PTPRK: variants seen among roughly 807,000 people sequenced by gnomAD.
PTPRK encodes the protein protein tyrosine phosphatase receptor type K, also known as receptor-type tyrosine-protein phosphatase kappa.
A neutral mutation model predicts 178.0 loss-of-function variants in PTPRK; 75 were observed. That is an observed-to-expected ratio of 0.42 (90% CI 0.35 to 0.51). The LOEUF (loss-of-function observed/expected upper bound fraction) is 0.51, where lower values mean the gene tolerates loss of function less well. PTPRK is among the 20% of genes least tolerant of loss of function. The probability of loss-of-function intolerance (pLI) is 0.02; values close to 1 mark genes in which losing one functional copy is unlikely to be tolerated. For synonymous variants in PTPRK, 637 were observed against 620.6 expected (o/e 1.03, Z -0.39); for missense variants, 1,441 against 1,797.8 (o/e 0.80, Z 3.59).
intron 7 of PTPRK, among the ~76,000 whole-genome samples, chr6:128,134,525 G>A (rs971334452): frequency 6.6e-6 from 1 of 152,118 alleles, no homozygotes; most frequent in African/African-American, 2.4e-5. Context: ...CACTTAAGCA[G>A]AGCCAGGCAC....
intron 5 of PTPRK, among the ~76,000 whole-genome samples, chr6:128,226,894 G>C (rs908009744): frequency 6.6e-6 from 1 of 150,916 alleles, no homozygotes. Context: ...TGCTTCTAGA[G>C]AATCAGATTT....
At chr6:128,392,108 T>C (rs1053271173) in intron 2 of PTPRK, among the ~76,000 whole-genome samples, 2 of 152,126 alleles carry the variant, frequency 1.3e-5, no homozygotes, top group African/African-American at 4.8e-5. Flanking sequence ...CCCCTACCCC[T>C]TTCTGTATAC....
rs185150457 is a variant in PTPRK, at chr6:128,047,729, T to C, written c.2194+17029A>G. 2.0e-4 allele frequency among the ~76,000 whole-genome samples: 31 copies of C among 152,322 alleles called. 1 individual carries two copies. The East Asian group carries it at 5.2e-3, about 26-fold the overall frequency. ...AACCTTTACACTACATATTGGAAAC[T>C]AGCCACTATTTTTACTAAAATTCCT... is the stretch of plus-strand genomic sequence containing the variant. On this transcript the variant is annotated intron_variant, in intron 13 of 29. Transcript: ENST00000368226.
At chr6:128,363,267 T>C (rs993346447) in intron 2 of PTPRK, among the ~76,000 whole-genome samples, 18 of 152,190 alleles carry the variant, frequency 1.2e-4, no homozygotes, top group Non-Finnish European at 2.4e-4. Context: ...CCCATGAAGG[T>C]TCTCCAGTCA....
chr6:128,009,042 C>T lies in PTPRK; in HGVS notation c.2333+88G>A. 21 of 1,253,764 alleles carry T rather than the reference C, an allele frequency of 1.7e-5. 1 individual carries two copies. In the South Asian group the frequency reaches 3.8e-4, roughly 23 times the overall value. 77.7% of individuals were successfully genotyped at this position (1,253,764 alleles called of 1,614,324 possible). A position where few individuals can be genotyped will look rare whatever the true frequency, so the allele number is the denominator to read the frequency against. On this transcript the variant is annotated intron_variant, in intron 14 of 29. Coordinates refer to ENST00000368226, the MANE Select transcript of PTPRK (RefSeq NM_002844.4). ...TAAAATTTTCTTCCTGTTGTTTGTT[C>T]TAATTTAAAGGATCTTGAGAAAAAC...
intron 6 of PTPRK, among the ~76,000 whole-genome samples, chr6:128,204,656 GA>G (rs201737649): frequency 1.0e-3 from 145 of 138,476 alleles, no homozygotes; most frequent in African/African-American, 9.9e-4. Flanking sequence ...CAACAAACAT[GA>G]AAAAAAAAAA....
At chr6:128,234,223 G>A (rs937311573) in intron 5 of PTPRK, among the ~76,000 whole-genome samples, 6 of 152,232 alleles carry the variant, frequency 3.9e-5, no homozygotes, top group Admixed American at 3.9e-4. Context: ...AAATGGACAA[G>A]ATGGATAAAA....
intron 13 of PTPRK, among the ~76,000 whole-genome samples, chr6:128,011,385 G>A (rs560078754): frequency 6.6e-6 from 1 of 151,248 alleles, no homozygotes; most frequent in African/African-American, 2.4e-5. Flanking sequence ...CTCTGGAAGA[G>A]CAGTTCTTGC....
chr6:128,308,603 G>A (rs929173052), intron 3 of PTPRK, among the ~76,000 whole-genome samples: 6 of 152,052 alleles, frequency 3.9e-5, no homozygotes, highest in Admixed American at 1.3e-4. Context: ...GGAAGTCAAC[G>A]GGAATAAGGA....
chr6:128,025,164 T>A lies in PTPRK; in HGVS notation c.2195-15896A>T, dbSNP rs529654734. On this transcript the variant is annotated intron_variant, in intron 13 of 29. Transcript: ENST00000368226. The stretch of plus-strand genomic sequence containing the variant: ...TGAAACATGGTTTTTGCATTCTGCA[T>A]GTAGGAATGTGGCTGACAACAAAGA... Among the ~76,000 whole-genome samples, 8 of 152,356 alleles carry A rather than the reference T, an allele frequency of 5.3e-5. No individual in the cohort carries two copies. The South Asian group carries it at 1.7e-3, about 32-fold the overall frequency.
intron 2 of PTPRK, among the ~76,000 whole-genome samples, chr6:128,370,505 C>T (rs1244203007): frequency 6.6e-6 from 1 of 151,966 alleles, no homozygotes; most frequent in African/African-American, 2.4e-5. Context: ...ATTCATGAAG[C>T]AGTGCCTTTT....
chr6:128,127,715 A>G (rs145595798), intron 7 of PTPRK, among the ~76,000 whole-genome samples: 80 of 152,354 alleles, frequency 5.3e-4, no homozygotes, highest in African/African-American at 1.9e-3. Flanking sequence ...TACAAACTCA[A>G]TGTCTGACTA....
rs369509735 is a variant in PTPRK at position 128,082,421 on chromosome 6, T to G, written c.1777+16A>C. ...TGGCATAATCAATCCTATTTGTAAT[T>G]TATTCATTTGCATACCTGAGATATT... On this transcript the variant is annotated intron_variant, in intron 10 of 29. Coordinates refer to ENST00000368226, the MANE Select transcript of PTPRK (RefSeq NM_002844.4). 74 of 1,574,610 alleles carry G rather than the reference T, an allele frequency of 4.7e-5. No individual in the cohort carries two copies. Among genetic ancestry groups the G allele is most frequent in the Non-Finnish European group, 5.9e-5 (67 of 1,144,310 alleles).
chr6:128,264,757 G>A (rs552376371), intron 3 of PTPRK, among the ~76,000 whole-genome samples: 4 of 152,194 alleles, frequency 2.6e-5, no homozygotes, highest in Admixed American at 2.0e-4. Flanking sequence ...ATCTTGAATT[G>A]TAACTCCCAC....
chr6:128,503,207 C>A (rs1014165868), intron 1 of PTPRK, among the ~76,000 whole-genome samples: 4 of 152,194 alleles, frequency 2.6e-5, no homozygotes, highest in East Asian at 1.9e-4. Context: ...GCCTAGGCAA[C>A]AGAGCGAGAC....
At chr6:128,232,288 C>T (rs1296332470) in intron 5 of PTPRK, 7 of 152,266 alleles carry the variant, frequency 4.6e-5, no homozygotes. Context: ...ACCAAATACT[C>T]CAGTCCGCGT....
At chr6:128,515,175 G>T (rs1278264753) in intron 1 of PTPRK, among the ~76,000 whole-genome samples, 2 of 152,108 alleles carry the variant, frequency 1.3e-5, no homozygotes, top group African/African-American at 2.4e-5. Context: ...TTCTGAAATT[G>T]TCTATCCCCA....
intron 3 of PTPRK, among the ~76,000 whole-genome samples, chr6:128,296,849 G>A (rs1164714311): frequency 6.6e-6 from 1 of 152,090 alleles, no homozygotes; most frequent in Non-Finnish European, 1.5e-5. Context: ...ATATCATAAT[G>A]ACAGGATCAA....
At chr6:127,971,675 A>G (rs2114599243) in intron 29 of PTPRK, among the ~76,000 whole-genome samples, 1 of 152,300 alleles carries the variant, frequency 6.6e-6, no homozygotes, top group African/African-American at 2.4e-5. Flanking sequence ...AAAGGAAAAT[A>G]GTAACTTTTT....
Sources: gnomAD v4.1 joint callset for allele counts (sites outside exome capture counted in the v4.1 genomes callset) on GRCh38, gnomAD v4.1.1 for gene constraint, MANE v1.5 for transcripts, NCBI Gene and HGNC (gene_info 2026-07-23, HGNC 2026-07-21) for gene names.